MLXIP: variants seen among roughly 807,000 people sequenced by gnomAD.
MLXIP encodes MLX interacting protein, also known as MLX-interacting protein.
MLXIP carries 30 observed loss-of-function variants against 87.2 expected under a neutral mutation model. That is an observed-to-expected ratio of 0.34 (90% CI 0.26 to 0.47). The LOEUF (loss-of-function observed/expected upper bound fraction) is 0.47. Among genes scored for constraint, MLXIP ranks in the 20% least tolerant of loss-of-function variants. MLXIP has a pLI of 1.00. For missense variants in MLXIP, 1,002 were observed against 1,240.1 expected (o/e 0.81, Z 2.88); for synonymous variants, 530 against 514.0 (o/e 1.03, Z -0.42).
chr12:122,080,829 G>T (rs186948014), intron 1 of MLXIP, among the ~76,000 whole-genome samples: 5 of 152,192 alleles, frequency 3.3e-5, no homozygotes, highest in Admixed American at 6.5e-5. Context: ...GCTATGCCTC[G>T]AGAGAGCCTT....
Position 122,143,660 on chromosome 12 carries a change from C to T in MLXIP, c.*1848C>T, listed in dbSNP as rs1412803789. ...CCTGGGGAGGGTCGTGAGTGCAGCC[C>T]CTCTCTACTTCTGTGCCTTTGTAAA... On this transcript the variant is annotated 3_prime_UTR_variant, in exon 17 of 17. Coordinates refer to ENST00000319080, the MANE Select transcript of MLXIP (RefSeq NM_014938.6). 6.6e-6 allele frequency: 1 copy of T among 152,252 alleles called. No homozygotes were observed. Among genetic ancestry groups the T allele is most frequent in the Non-Finnish European group, 1.5e-5 (1 of 68,080 alleles). 9.4% of individuals were successfully genotyped at this position (152,252 alleles called of 1,614,324 possible). A position where few individuals can be genotyped will look rare whatever the true frequency, so the allele number is the denominator to read the frequency against.
At chr12:122,109,982 G>T (rs536593541) in intron 1 of MLXIP, among the ~76,000 whole-genome samples, 2 of 152,274 alleles carry the variant, frequency 1.3e-5, no homozygotes, top group African/African-American at 4.8e-5. Flanking sequence ...CCGAATGGAA[G>T]TGGGTGTGAC....
In MLXIP at chr12:122,129,991, C is replaced by A; in HGVS notation, c.789C>A (p.Pro263=). The A allele has an allele frequency of 6.2e-7, 1 of 1,614,010 alleles. No homozygotes were observed. Among genetic ancestry groups the A allele is most frequent in the East Asian group, 2.2e-5 (1 of 44,884 alleles). The change falls in exon 6 of 17, where the codon CCC becomes CCA. Residue 263 remains proline (P), a synonymous_variant. Coordinates refer to ENST00000319080, the MANE Select transcript of MLXIP (RefSeq NM_014938.6). ...AGCACGGGGATGGATGGAAGACCCC[C>A]GTCCCCATGGAGGAGGATCCCCTGC... ...WHKHGDGWKT[P]VPMEEDPLLD...
intron 1 of MLXIP, among the ~76,000 whole-genome samples, chr12:122,124,994 C>A (rs899990090): frequency 6.6e-6 from 1 of 152,148 alleles, no homozygotes; most frequent in Non-Finnish European, 1.5e-5. Context: ...TGATGAAATC[C>A]CATCTCTACT....
intron 1 of MLXIP, among the ~76,000 whole-genome samples, chr12:122,100,561 G>A (rs1390703493): frequency 6.6e-6 from 1 of 152,062 alleles, no homozygotes; most frequent in Non-Finnish European, 1.5e-5. Context: ...ATCTTTCATT[G>A]TTAAGGTATA....
chr12:122,141,639 G>T, intron 16 of MLXIP, 52 bp from the exon 17 acceptor site: 1 of 1,600,634 alleles, frequency 6.2e-7, no homozygotes, highest in East Asian at 2.2e-5. Context: ...CGAGTGTGCG[G>T]TGTGTGGTGG....
At chr12:122,123,660 C>CTATA (rs900248762) in intron 1 of MLXIP, among the ~76,000 whole-genome samples, 1 of 152,182 alleles carries the variant, frequency 6.6e-6, no homozygotes, top group African/African-American at 2.4e-5. Flanking sequence ...GCTTTGTCTG[C>CTATA]TGTACCCCCT....
In MLXIP at chr12:122,138,257, G is replaced by T. The variant is rs770286094; in HGVS notation, c.2218G>T (p.Asp740Tyr). 1 of 1,613,354 alleles carries T rather than the reference G, an allele frequency of 6.2e-7. No homozygotes were observed. Among genetic ancestry groups the T allele is most frequent in the Non-Finnish European group, 8.5e-7 (1 of 1,179,652 alleles). ...KRRFNIKMCF[D>Y]MLNSLISNNS... The stretch of plus-strand genomic sequence containing the variant: ...GCGCTTCAACATCAAGATGTGCTTC[G>T]ACATGCTCAACAGCCTCATCTCCAA... Residue 740 changes from aspartate to tyrosine, a missense_variant, in exon 13 of 17, where the codon GAC (aspartate) becomes TAC (tyrosine). By Grantham distance (160) the Asp-to-Tyr change is radical. Transcript: ENST00000319080.
chr12:122,133,951 G>C lies in MLXIP; in HGVS notation c.1696G>C (p.Val566Leu), dbSNP rs370188119. 1.2e-6 allele frequency: 2 copies of C among 1,604,908 alleles called. No homozygotes were observed. Among genetic ancestry groups the C allele is most frequent in the Admixed American group, 3.4e-5 (2 of 59,066 alleles). The change falls in exon 9 of 17, where the codon GTG becomes CTG. Residue 566 changes from valine (V) to leucine (L), a missense_variant. This residue lies in a region of MLXIP where 746 missense variants were observed against 897.0 expected (regional missense o/e 0.83). Transcript: ENST00000319080. The surrounding 1 kb of genome is among the most constrained non-coding windows in gnomAD (Gnocchi z 4.9). Reference sequence around the variant, plus strand: ...AGTGCCTGCTCCCAAACCAGAGCCCGTGTCCTTGGTGTTGAAGAATGCCCG... The same window carrying C: ...AGTGCCTGCTCCCAAACCAGAGCCCCTGTCCTTGGTGTTGAAGAATGCCCG... ...KIVPAPKPEPVSLVLKNARIA... is the reference protein window; with the variant it reads ...KIVPAPKPEPLSLVLKNARIA...
intron 1 of MLXIP, among the ~76,000 whole-genome samples, chr12:122,112,077 G>A (rs184773011): frequency 1.5e-3 from 224 of 152,352 alleles, no homozygotes; most frequent in African/African-American, 5.1e-3. Flanking sequence ...ACCTTACTTA[G>A]ATAGTAAAGT....
intron 1 of MLXIP, among the ~76,000 whole-genome samples, chr12:122,125,647 T>TGG (rs1427928363): frequency 1.3e-5 from 2 of 151,958 alleles, no homozygotes; most frequent in East Asian, 3.9e-4. Context: ...AGCATGGAGG[T>TGG]GGGTTAGATG....
In MLXIP at chr12:122,135,574, G is replaced by A. The variant is rs1233353120; in HGVS notation, c.1940G>A (p.Arg647Gln). Residue 647 changes from arginine (R) to glutamine (Q), a missense_variant, in exon 11 of 17, where the codon CGG becomes CAG. This residue lies in a region of MLXIP where 746 missense variants were observed against 897.0 expected (regional missense o/e 0.83). Transcript: ENST00000319080. The surrounding 1 kb of genome is among the most constrained non-coding windows in gnomAD (Gnocchi z 5.3). ...AGCAGCCCGCCTGCCCCCGTCTCCC[G>A]GCTCTTCCCAAGCACAGCGCAAGAC... ...GTSSPPAPVSRLFPSTAQDPL... is the reference protein window; with the variant it reads ...GTSSPPAPVSQLFPSTAQDPL... The A allele has an allele frequency of 4.4e-6, 7 of 1,598,354 alleles. No homozygotes were observed. The highest frequency in any genetic ancestry group is 2.3e-5 in the East Asian group (1 of 44,126).
At chr12:122,119,072 G>A (rs897862770) in intron 1 of MLXIP, among the ~76,000 whole-genome samples, 7 of 151,952 alleles carry the variant, frequency 4.6e-5, no homozygotes, top group African/African-American at 1.7e-4. Flanking sequence ...GGAGGCTAAG[G>A]AAGGACAGTG....
At chr12:122,128,905 C>T (rs1244874029) in intron 3 of MLXIP, 3 of 551,568 alleles carry the variant, frequency 5.4e-6, no homozygotes, top group Non-Finnish European at 9.8e-6. Context: ...GGACCGTGCC[C>T]CCAAGGCCTT....
chr12:122,099,191 C>G (rs1229856588), intron 1 of MLXIP, among the ~76,000 whole-genome samples: 2 of 152,208 alleles, frequency 1.3e-5, no homozygotes, highest in African/African-American at 4.8e-5. Flanking sequence ...GAACCATGAT[C>G]GTGCCACTGC....
At chr12:122,119,914 A>G (rs1952752735) in intron 1 of MLXIP, among the ~76,000 whole-genome samples, 1 of 152,170 alleles carries the variant, frequency 6.6e-6, no homozygotes, top group South Asian at 2.1e-4. Context: ...AAGGCTCACA[A>G]TTGTTTTTGC....
chr12:122,132,556 A>C (rs1358534049), intron 8 of MLXIP, 173 bp downstream of exon 8: 2 of 599,844 alleles, frequency 3.3e-6, no homozygotes, highest in Non-Finnish European at 3.0e-6. Context: ...CCTCTTTTAC[A>C]GCATCCTTCA....
chr12:122,107,716 T>C (rs1401905187), intron 1 of MLXIP, among the ~76,000 whole-genome samples: 1 of 152,198 alleles, frequency 6.6e-6, no homozygotes, highest in Admixed American at 6.5e-5. Context: ...AGTTGGACAC[T>C]GACTGCCCTC....
intron 6 of MLXIP, 72 bp from the exon 7 acceptor site, chr12:122,130,772 C>A: frequency 9.4e-7 from 1 of 1,065,600 alleles, no homozygotes; most frequent in Non-Finnish European, 1.5e-6. Context: ...AAGTTCTGTT[C>A]CAGGCCTTTT....
Sources: allele counts gnomAD v4.1 joint callset (sites outside exome capture counted in the v4.1 genomes callset), GRCh38; gene constraint gnomAD v4.1.1; regional missense constraint gnomAD v4.1.1; non-coding constraint Gnocchi (gnomAD v3.1); transcripts MANE v1.5; gene names NCBI Gene and HGNC (gene_info 2026-07-23, HGNC 2026-07-21).